The following MLLT3 variants were observed in gnomAD, a reference collection of about 807,000 sequenced individuals.
The protein encoded by MLLT3 is MLLT3 super elongation complex subunit.
In MLLT3, 4 loss-of-function variants were observed where a neutral mutation model predicts 53.2. That is an observed-to-expected ratio of 0.08 (90% CI 0.04 to 0.17). MLLT3 has a LOEUF of 0.17. MLLT3 is among the 10% of genes least tolerant of loss of function. The probability of loss-of-function intolerance (pLI) is 1.00; values close to 1 mark genes in which losing one functional copy is unlikely to be tolerated. For synonymous variants in MLLT3, 283 were observed against 230.6 expected (o/e 1.23, Z -2.06); for missense variants, 569 against 684.0 (o/e 0.83, Z 1.87).
intron 2 of MLLT3, among the ~76,000 whole-genome samples, chr9:20,471,739 G>C (rs1012305544): frequency 6.6e-6 from 1 of 151,974 alleles, no homozygotes; most frequent in African/African-American, 2.4e-5. Context: ...TGGGGACAAA[G>C]AGAAGGTGCC....
At chr9:20,452,013 T>C (rs1003205674) in intron 3 of MLLT3, among the ~76,000 whole-genome samples, 2 of 152,040 alleles carry the variant, frequency 1.3e-5, no homozygotes, top group African/African-American at 2.4e-5. Flanking sequence ...CTCAAATAAA[T>C]GAGCAGAACT....
intron 2 of MLLT3, among the ~76,000 whole-genome samples, chr9:20,480,197 C>A (rs1483561815): frequency 1.3e-5 from 2 of 152,266 alleles, no homozygotes; most frequent in South Asian, 2.1e-4. Flanking sequence ...AACTGAAAAT[C>A]AAAAGTTTGC....
rs373789216 is a variant in MLLT3 at position 20,569,005 on chromosome 9, T to A, written c.193+51649A>T. ...TCCCAAACACAAAGATAATAATTCA[T>A]CTACTTCAAAAAATTCCCAAAGGAA... On this transcript the variant is annotated intron_variant, in intron 2 of 10. Coordinates refer to ENST00000380338, the MANE Select transcript of MLLT3 (RefSeq NM_004529.4). Among the ~76,000 whole-genome samples the A allele has an allele frequency of 3.9e-4, 60 of 152,188 alleles. No individual in the cohort carries two copies. The South Asian group carries it at 0.011, about 28-fold the overall frequency.
intron 2 of MLLT3, among the ~76,000 whole-genome samples, chr9:20,589,335 C>CA (rs1587106895): frequency 6.7e-6 from 1 of 148,984 alleles, no homozygotes; most frequent in East Asian, 2.0e-4. Flanking sequence ...ATCGCAAGAA[C>CA]AAAAAACCAA....
In MLLT3 at chr9:20,615,360, G is replaced by GAAAAAAA. The variant is rs10601830; in HGVS notation, c.193+5287_193+5293dup. On this transcript the variant is annotated intron_variant, in intron 2 of 10. Transcript: ENST00000380338. ...CCTGGGTGACAGGGCCAGACCATGT[G>GAAAAAAA]AAAAAAAAAAAAAAAAAAAAAAAAA... Among the ~76,000 whole-genome samples the GAAAAAAA allele has an allele frequency of 9.6e-4, 47 of 48,772 alleles. 4 individuals carry two copies. Among genetic ancestry groups the GAAAAAAA allele is most frequent in the South Asian group, 3.5e-3 (3 of 856 alleles). The allele number at this position is 48,772 out of a possible 152,430, so 32.0% of individuals were successfully genotyped here. A position where few individuals can be genotyped will look rare whatever the true frequency, so the allele number is the denominator to read the frequency against.
intron 5 of MLLT3, among the ~76,000 whole-genome samples, chr9:20,401,532 C>T (rs1221296857): frequency 6.6e-6 from 1 of 152,136 alleles, no homozygotes; most frequent in Non-Finnish European, 1.5e-5. Flanking sequence ...CCAGCCCCTT[C>T]CTGTCTTTGT....
intron 2 of MLLT3, among the ~76,000 whole-genome samples, chr9:20,484,917 G>C (rs899460653): frequency 6.6e-6 from 1 of 152,058 alleles, no homozygotes; most frequent in Admixed American, 6.6e-5. Context: ...GTATGGTAAA[G>C]GTCTTTGAAA....
At chr9:20,374,326 G>A (rs1004331918) in intron 5 of MLLT3, among the ~76,000 whole-genome samples, 1 of 152,228 alleles carries the variant, frequency 6.6e-6, no homozygotes, top group Admixed American at 6.5e-5. Flanking sequence ...TGAGGCTGCA[G>A]TGAGCTACGG....
At chr9:20,467,780 G>A (rs968134151) in intron 2 of MLLT3, among the ~76,000 whole-genome samples, 1 of 152,174 alleles carries the variant, frequency 6.6e-6, no homozygotes, top group Admixed American at 6.5e-5. Flanking sequence ...GAGGAAAAAG[G>A]AGGCTGAAGG....
At chr9:20,524,336 G>C (rs1197525252) in intron 2 of MLLT3, among the ~76,000 whole-genome samples, 2 of 151,802 alleles carry the variant, frequency 1.3e-5, no homozygotes, top group South Asian at 2.1e-4. Flanking sequence ...TTTGTATCAA[G>C]ATACAAAATT....
At chr9:20,395,221 T>C (rs553291639) in intron 5 of MLLT3, among the ~76,000 whole-genome samples, 11 of 152,286 alleles carry the variant, frequency 7.2e-5, no homozygotes, top group African/African-American at 2.4e-4. Context: ...TCCCCTGGCC[T>C]CCAACTCCAT....
intron 2 of MLLT3, among the ~76,000 whole-genome samples, chr9:20,457,235 C>T (rs1823992286): frequency 1.6e-5 from 2 of 128,288 alleles, no homozygotes; most frequent in African/African-American, 2.9e-5. Context: ...CTGACAAGGA[C>T]ATCTTTTTTT....
At chr9:20,475,307 A>G (rs1361884855) in intron 2 of MLLT3, among the ~76,000 whole-genome samples, 1 of 152,090 alleles carries the variant, frequency 6.6e-6, no homozygotes, top group African/African-American at 2.4e-5. Context: ...GTATCTCTCA[A>G]TAATTCACCT....
intron 2 of MLLT3, among the ~76,000 whole-genome samples, chr9:20,608,303 T>C (rs940719656): frequency 1.3e-5 from 2 of 151,920 alleles, no homozygotes; most frequent in Non-Finnish European, 2.9e-5. Context: ...ATGTAGGCTC[T>C]AGAAAAATTT....
intron 2 of MLLT3, among the ~76,000 whole-genome samples, chr9:20,559,817 A>G (rs1055915412): frequency 6.6e-6 from 1 of 152,220 alleles, no homozygotes; most frequent in Non-Finnish European, 1.5e-5. Flanking sequence ...TGCACAACAT[A>G]GTTTTGGTAA....
chr9:20,359,260 C>T (rs1463651665), intron 8 of MLLT3, among the ~76,000 whole-genome samples: 3 of 151,172 alleles, frequency 2.0e-5, no homozygotes, highest in African/African-American at 7.3e-5. Context: ...TCTAGTTAAC[C>T]AGTCCAGTGT....
At chr9:20,542,408 G>A (rs533325467) in intron 2 of MLLT3, among the ~76,000 whole-genome samples, 62 of 152,044 alleles carry the variant, frequency 4.1e-4, no homozygotes, top group African/African-American at 1.3e-3. Flanking sequence ...CCGCCACCGC[G>A]CCCGGCTAAT....
chr9:20,425,929 T>G (rs1236116244), intron 4 of MLLT3, among the ~76,000 whole-genome samples: 1 of 152,024 alleles, frequency 6.6e-6, no homozygotes, highest in East Asian at 1.9e-4. Flanking sequence ...TAAATGAAGC[T>G]TAAGTGTAAA....
intron 2 of MLLT3, among the ~76,000 whole-genome samples, chr9:20,466,270 T>C (rs1050542083): frequency 5.3e-5 from 8 of 152,206 alleles, no homozygotes; most frequent in Non-Finnish European, 1.0e-4. Context: ...TTGAGTGTCA[T>C]ATTGGCATTC....
Sources: gnomAD v4.1 joint callset for allele counts (sites outside exome capture counted in the v4.1 genomes callset) on GRCh38, gnomAD v4.1.1 for gene constraint, MANE v1.5 for transcripts, NCBI Gene and HGNC (gene_info 2026-07-23, HGNC 2026-07-21) for gene names.